DCUN1D3: variants seen among roughly 807,000 people sequenced by gnomAD.
The protein encoded by DCUN1D3 is DCN1-like protein 3.
Under a neutral mutation model 24.8 loss-of-function variants are expected in DCUN1D3, and 6 were observed. That is an observed-to-expected ratio of 0.24 (90% CI 0.13 to 0.48). DCUN1D3 has a LOEUF of 0.48. DCUN1D3 is among the 20% of genes least tolerant of loss of function. The probability of loss-of-function intolerance (pLI) is 0.99; values close to 1 mark genes in which losing one functional copy is unlikely to be tolerated. For missense variants in DCUN1D3, 258 were observed against 379.4 expected, an observed-to-expected ratio of 0.68 and a Z score of 2.66; for synonymous variants, 120 against 144.9, an observed-to-expected ratio of 0.83 and a Z score of 1.24.
At chr16:20,885,443 A>C (rs1049809028) in intron 1 of DCUN1D3, among the ~76,000 whole-genome samples, 3 of 152,170 alleles carry the variant, frequency 2.0e-5, no homozygotes, top group African/African-American at 7.2e-5. Flanking sequence ...GTTAACTCAG[A>C]ACAAGATCAC....
At chr16:20,875,181 T>C (rs2081807503) in intron 1 of DCUN1D3, among the ~76,000 whole-genome samples, 1 of 151,504 alleles carries the variant, frequency 6.6e-6, no homozygotes, top group Admixed American at 6.6e-5. Context: ...AAGACAACTA[T>C]GGCCCCAGAA....
intron 2 of DCUN1D3, 131 bp downstream of exon 2, chr16:20,861,977 G>T: frequency 3.2e-6 from 3 of 942,190 alleles, no homozygotes; most frequent in Non-Finnish European, 4.7e-6. Flanking sequence ...TAGAGAACCT[G>T]ATCAGAAAAA....
chr16:20,863,211 T>G (rs895453459), intron 1 of DCUN1D3, among the ~76,000 whole-genome samples: 5 of 152,192 alleles, frequency 3.3e-5, no homozygotes, highest in African/African-American at 1.2e-4. Flanking sequence ...TCCAGATTCC[T>G]TTCTGGGCCT....
intron 1 of DCUN1D3, among the ~76,000 whole-genome samples, chr16:20,877,123 T>A (rs1445446670): frequency 1.3e-5 from 2 of 152,248 alleles, no homozygotes; most frequent in African/African-American, 4.8e-5. Flanking sequence ...AAAAGATAAA[T>A]ATTTAAGGTG....
chr16:20,887,559 G>C (rs891913721), intron 1 of DCUN1D3, among the ~76,000 whole-genome samples: 32 of 152,196 alleles, frequency 2.1e-4, no homozygotes, highest in African/African-American at 6.3e-4. Context: ...TGGTGGCAGA[G>C]TCTAGACTAG....
intron 1 of DCUN1D3, 148 bp from the exon 2 acceptor site, chr16:20,862,791 A>G (rs2081740404): frequency 2.8e-6 from 2 of 713,616 alleles, no homozygotes; most frequent in Non-Finnish European, 4.2e-6. Context: ...TCCCCTTCAC[A>G]GGCCAGCTCC....
chr16:20,893,050 C>T (rs748548775), intron 1 of DCUN1D3, among the ~76,000 whole-genome samples: 2 of 152,292 alleles, frequency 1.3e-5, no homozygotes, highest in East Asian at 3.9e-4. Flanking sequence ...TTATCGGGTG[C>T]CTACACCAAC....
intron 1 of DCUN1D3, among the ~76,000 whole-genome samples, chr16:20,882,965 A>T (rs1596637555): frequency 6.6e-6 from 1 of 151,454 alleles, no homozygotes; most frequent in African/African-American, 2.4e-5. Flanking sequence ...TAGGGAGAAA[A>T]TATCTTGTAC....
chr16:20,869,421 A>T (rs1231490098), intron 1 of DCUN1D3, among the ~76,000 whole-genome samples: 1 of 152,218 alleles, frequency 6.6e-6, no homozygotes, highest in Non-Finnish European at 1.5e-5. Context: ...TACATGCTTC[A>T]TATTCATCAT....
At chr16:20,879,930 A>C (rs532217122) in intron 1 of DCUN1D3, among the ~76,000 whole-genome samples, 1 of 152,340 alleles carries the variant, frequency 6.6e-6, no homozygotes, top group South Asian at 2.1e-4. Flanking sequence ...GCTGACACCA[A>C]CTACTCACTG....
chr16:20,873,817 A>G (rs2081801351), intron 1 of DCUN1D3, among the ~76,000 whole-genome samples: 1 of 152,154 alleles, frequency 6.6e-6, no homozygotes, highest in African/African-American at 2.4e-5. Flanking sequence ...AGAAAGAGCT[A>G]CCAGAGAAAA....
rs1340653940 is a variant in DCUN1D3 at position 20,862,522 on chromosome 16, G to A, written c.17C>T (p.Thr6Ile). 1.2e-6 allele frequency: 2 copies of A among 1,603,844 alleles called. No homozygotes were observed. The highest frequency in any genetic ancestry group is 1.1e-5 in the South Asian group (1 of 90,996). ...GGTCGATGAGGGATTCTTACACTTG[G>A]TGACACACTGGCCCATGGTGCTGGT... MGQCV[T>I]KCKNPSSTLG... The change falls in exon 2 of 3, where the codon ACC becomes ATC. Residue 6 changes from threonine to isoleucine, a missense_variant. By Grantham distance (89) the Thr-to-Ile change is moderately conservative. Coordinates refer to ENST00000324344, the MANE Select transcript of DCUN1D3 (RefSeq NM_173475.4).
In DCUN1D3 at chr16:20,868,383, A is replaced by C. The variant is rs975451442; in HGVS notation, c.-105-5740T>G. Among the ~76,000 whole-genome samples, 4 of 152,264 alleles carry C rather than the reference A, an allele frequency of 2.6e-5. No homozygotes were observed. In the East Asian group the frequency reaches 7.7e-4, roughly 29 times the overall value. On this transcript the variant is annotated intron_variant, in intron 1 of 2. Coordinates refer to ENST00000324344, the MANE Select transcript of DCUN1D3 (RefSeq NM_173475.4). ...GGTCAAGGAGTCTATTTAGGAATGG[A>C]GGAAACAGAAGCGCAGTGATGAAGA...
intron 1 of DCUN1D3, among the ~76,000 whole-genome samples, chr16:20,875,516 T>C (rs189358074): frequency 1.3e-5 from 2 of 152,350 alleles, no homozygotes; most frequent in East Asian, 3.9e-4. Context: ...ATATTCCATC[T>C]CAGTCTTCTC....
intron 1 of DCUN1D3, among the ~76,000 whole-genome samples, chr16:20,889,493 G>A (rs553134501): frequency 1.3e-5 from 2 of 152,268 alleles, no homozygotes; most frequent in African/African-American, 4.8e-5. Flanking sequence ...GACTATTCTG[G>A]GAATGCCATT....
intron 1 of DCUN1D3, among the ~76,000 whole-genome samples, chr16:20,864,800 C>CCA (rs1455440325): frequency 4.1e-5 from 6 of 146,748 alleles, no homozygotes; most frequent in African/African-American, 1.6e-4. Flanking sequence ...CCACGGAACG[C>CCA]TATGCAGCCA....
intron 1 of DCUN1D3, among the ~76,000 whole-genome samples, chr16:20,866,987 AG>A (rs1180437403): frequency 6.6e-6 from 1 of 152,200 alleles, no homozygotes; most frequent in Non-Finnish European, 1.5e-5. Context: ...TTAAAGTTGA[AG>A]GTCTCCCGTA....
intron 1 of DCUN1D3, among the ~76,000 whole-genome samples, chr16:20,892,675 C>A (rs1462702825): frequency 6.6e-6 from 1 of 152,076 alleles, no homozygotes; most frequent in Non-Finnish European, 1.5e-5. Flanking sequence ...TCTGGTTTAG[C>A]ATTTTGCACT....
intron 1 of DCUN1D3, among the ~76,000 whole-genome samples, chr16:20,871,425 T>C (rs535565129): frequency 5.3e-5 from 8 of 152,320 alleles, no homozygotes; most frequent in Non-Finnish European, 1.0e-4. Context: ...AAACTGGCTA[T>C]GTTTCTATAA....
Sources: gnomAD v4.1 joint callset for allele counts (sites outside exome capture counted in the v4.1 genomes callset) on GRCh38, gnomAD v4.1.1 for gene constraint, MANE v1.5 for transcripts, NCBI Gene and HGNC (gene_info 2026-07-23, HGNC 2026-07-21) for gene names.